The following ADARB2 variants were observed in gnomAD, a reference collection of about 807,000 sequenced individuals.
ADARB2 encodes the protein inactive double-stranded RNA-specific editase B2.
A neutral mutation model predicts 62.2 loss-of-function variants in ADARB2; 25 were observed. That is an observed-to-expected ratio of 0.40 (90% confidence interval 0.29 to 0.56). The LOEUF (loss-of-function observed/expected upper bound fraction) is 0.56, where lower values mean the gene tolerates loss of function less well. ADARB2 is among the 20% of genes least tolerant of loss of function. The probability of loss-of-function intolerance (pLI) is 0.43; values close to 1 mark genes in which losing one functional copy is unlikely to be tolerated. For synonymous variants in ADARB2, 572 were observed against 500.8 expected (o/e 1.14, Z -1.90); for missense variants, 1,071 against 1,077.4 (o/e 0.99, Z 0.08).
chr10:1,547,690 G>C (rs1278730896), intron 1 of ADARB2, among the ~76,000 whole-genome samples: 1 of 105,344 alleles, frequency 9.5e-6, no homozygotes, highest in East Asian at 3.8e-4. Context: ...TGGGGGCAGA[G>C]GCTGCACTGG....
chr10:1,606,827 C>G (rs1229581017), intron 1 of ADARB2, among the ~76,000 whole-genome samples: 1 of 152,138 alleles, frequency 6.6e-6, no homozygotes. Context: ...GAGTCAACAA[C>G]AAGTGTGTGT....
At chr10:1,626,915 C>T (rs12572078) in intron 1 of ADARB2, among the ~76,000 whole-genome samples, 38,221 of 152,046 alleles carry the variant, frequency 0.25, 5,365 homozygotes, top group East Asian at 0.55. Flanking sequence ...TCCTGCCTTC[C>T]CTCATCAGCA....
At chr10:1,235,301 C>T (rs1177287404) in intron 5 of ADARB2, among the ~76,000 whole-genome samples, 1 of 129,494 alleles carries the variant, frequency 7.7e-6, no homozygotes, top group African/African-American at 3.0e-5. Flanking sequence ...CCTTCTGCAT[C>T]CAGCCATGAC....
At chr10:1,343,606 A>G (rs1488714391) in intron 3 of ADARB2, among the ~76,000 whole-genome samples, 2 of 152,222 alleles carry the variant, frequency 1.3e-5, no homozygotes, top group African/African-American at 4.8e-5. Flanking sequence ...ACAATTGCAA[A>G]GTCATGGAAT....
intron 1 of ADARB2, among the ~76,000 whole-genome samples, chr10:1,425,984 C>A (rs1428628414): frequency 1.3e-5 from 2 of 152,158 alleles, no homozygotes; most frequent in African/African-American, 4.8e-5. Context: ...CTCACAGAGG[C>A]ATGTTACTCA....
chr10:1,439,772 C>CTCAG (rs1830881781), intron 1 of ADARB2, among the ~76,000 whole-genome samples: 3 of 140,158 alleles, frequency 2.1e-5, no homozygotes, highest in Non-Finnish European at 4.6e-5. Flanking sequence ...CCTGAGTGTC[C>CTCAG]CCCAGGACAG....
intron 1 of ADARB2, among the ~76,000 whole-genome samples, chr10:1,652,424 C>A (rs377515277): frequency 3.3e-5 from 5 of 152,214 alleles, no homozygotes; most frequent in Non-Finnish European, 5.9e-5. Context: ...GTGCTCCTCC[C>A]GGGAGCATCC....
At chr10:1,682,824 C>T (rs1013215167) in intron 1 of ADARB2, among the ~76,000 whole-genome samples, 7 of 152,200 alleles carry the variant, frequency 4.6e-5, no homozygotes, top group African/African-American at 1.7e-4. Context: ...GTATGTAATG[C>T]AGACGGCCAG....
At chr10:1,555,136 A>G (rs1205863760) in intron 1 of ADARB2, among the ~76,000 whole-genome samples, 2 of 152,188 alleles carry the variant, frequency 1.3e-5, no homozygotes, top group Non-Finnish European at 2.9e-5. Context: ...GCTCATGGAC[A>G]CCTAGGCTGA....
intron 1 of ADARB2, among the ~76,000 whole-genome samples, chr10:1,534,116 C>T (rs1303590656): frequency 2.0e-4 from 30 of 147,838 alleles, no homozygotes; most frequent in Admixed American, 1.8e-3. Context: ...GATTAGAAGG[C>T]GATTTTCCTG....
intron 8 of ADARB2, among the ~76,000 whole-genome samples, chr10:1,196,259 C>G (rs925218636): frequency 2.7e-5 from 4 of 149,578 alleles, no homozygotes; most frequent in African/African-American, 1.0e-4. Context: ...GTCCGTCTCC[C>G]CTACTGGAAT....
At chr10:1,184,108 T>C (rs1183190223) in intron 9 of ADARB2, among the ~76,000 whole-genome samples, 1 of 152,186 alleles carries the variant, frequency 6.6e-6, no homozygotes, top group Non-Finnish European at 1.5e-5. Flanking sequence ...TCAGAGCTAA[T>C]ATGTGCAATT....
intron 6 of ADARB2, among the ~76,000 whole-genome samples, chr10:1,232,809 G>A (rs1262534188): frequency 6.6e-6 from 1 of 150,700 alleles, no homozygotes; most frequent in Non-Finnish European, 1.5e-5. Context: ...TTTGTGTGTA[G>A]TGATATGCAT....
chr10:1,397,041 G>C (rs371164170), intron 1 of ADARB2, among the ~76,000 whole-genome samples: 166 of 5,414 alleles, frequency 0.031, no homozygotes, highest in Non-Finnish European at 0.056. Context: ...CTCCCGAGTG[G>C]AGGCTTCCTG....
At chr10:1,492,277 A>G (rs1312556806) in intron 1 of ADARB2, among the ~76,000 whole-genome samples, 1 of 152,194 alleles carries the variant, frequency 6.6e-6, no homozygotes, top group East Asian at 1.9e-4. Context: ...CAGAAAATAC[A>G]TGTTGGTGTC....
At chr10:1,607,379 C>T (rs1246625991) in intron 1 of ADARB2, among the ~76,000 whole-genome samples, 1 of 152,204 alleles carries the variant, frequency 6.6e-6, no homozygotes, top group African/African-American at 2.4e-5. Context: ...CCCTGAAACT[C>T]TGGAGTCACA....
chr10:1,499,699 C>T (rs1328846731), intron 1 of ADARB2, among the ~76,000 whole-genome samples: 1 of 151,954 alleles, frequency 6.6e-6, no homozygotes, highest in Admixed American at 6.6e-5. Flanking sequence ...ACTCATTACT[C>T]ACTCATAATT....
chr10:1,649,827 G>A (rs539116017), intron 1 of ADARB2, among the ~76,000 whole-genome samples: 6 of 152,182 alleles, frequency 3.9e-5, no homozygotes, highest in Non-Finnish European at 8.8e-5. Context: ...CAGAGGAGAT[G>A]GTCTCTCCAG....
At chr10:1,489,933 T>A (rs1307341424) in intron 1 of ADARB2, among the ~76,000 whole-genome samples, 1 of 152,220 alleles carries the variant, frequency 6.6e-6, no homozygotes, top group East Asian at 1.9e-4. Flanking sequence ...ATACACCACA[T>A]ACTTTCATAT....
Sources: gnomAD v4.1 joint callset for allele counts (sites outside exome capture counted in the v4.1 genomes callset) on GRCh38, gnomAD v4.1.1 for gene constraint, MANE v1.5 for transcripts, NCBI Gene and HGNC (gene_info 2026-07-23, HGNC 2026-07-21) for gene names.